The following ANKRD36 variants were observed in gnomAD, a reference collection of about 807,000 sequenced individuals.
The protein encoded by ANKRD36 is ankyrin repeat domain-containing protein 36A.
Under a neutral mutation model 278.1 loss-of-function variants are expected in ANKRD36, and 179 were observed. The observed-to-expected ratio is 0.64, with a 90% CI of 0.57 to 0.73. The LOEUF (loss-of-function observed/expected upper bound fraction) is 0.73. ANKRD36 is among the 30% of genes least tolerant of loss of function. ANKRD36 has a pLI of 0.00. For synonymous variants in ANKRD36, 320 were observed against 641.1 expected (o/e 0.50, Z 7.57); for missense variants, 1,159 against 1,956.7 (o/e 0.59, Z 7.69).
At chr2:97,212,166 G>C (rs539360140) in intron 58 of ANKRD36, among the ~76,000 whole-genome samples, 6 of 152,018 alleles carry the variant, frequency 3.9e-5, no homozygotes, top group South Asian at 2.1e-4. Context: ...ACTAGCAAGA[G>C]CAGTGATGTA....
chr2:97,211,311 G>C (rs73959734), intron 56 of ANKRD36, among the ~76,000 whole-genome samples: 3,525 of 151,828 alleles, frequency 0.023, 123 homozygotes, highest in African/African-American at 0.08. Context: ...TTTAGTTTTC[G>C]ACATATGACA....
At chr2:97,192,654 T>A (rs1465413270) in intron 36 of ANKRD36, among the ~76,000 whole-genome samples, 1 of 151,738 alleles carries the variant, frequency 6.6e-6, no homozygotes. Context: ...TGTTTGAAAT[T>A]GTAGGGGTAT....
rs1171497681 is a variant in ANKRD36 at position 97,122,977 on chromosome 2, A to G, written c.577A>G (p.Ile193Val). 1.9e-6 allele frequency: 3 copies of G among 1,542,174 alleles called. No homozygotes were observed. Among genetic ancestry groups the G allele is most frequent in the Admixed American group, 2.0e-5 (1 of 50,038 alleles). The change falls in exon 4 of 76, where the codon ATT (isoleucine) becomes GTT (valine). Residue 193 changes from isoleucine (I) to valine (V), a missense_variant. Coordinates refer to ENST00000420699, the MANE Select transcript of ANKRD36 (RefSeq NM_001354587.1). ...AAAGAAAAAAGCAAATGTAAATGCC[A>G]TTGATTATCTTGGCAGGTACAGACC... Reference protein sequence around the residue: ...LLKKKANVNAIDYLGRSALIH... With the variant: ...LLKKKANVNAVDYLGRSALIH...
chr2:97,155,505 G>A (rs904798642), intron 15 of ANKRD36, among the ~76,000 whole-genome samples: 1 of 146,282 alleles, frequency 6.8e-6, no homozygotes, highest in Admixed American at 6.8e-5. Flanking sequence ...AGTAGAGAGG[G>A]TTTACAGTGT....
At chr2:97,157,312 A>G (rs2047724945) in intron 15 of ANKRD36, among the ~76,000 whole-genome samples, 2 of 150,950 alleles carry the variant, frequency 1.3e-5, no homozygotes, top group South Asian at 4.2e-4. Flanking sequence ...TATATTATGA[A>G]CACAAGCTTT....
intron 55 of ANKRD36, 28 bp downstream of exon 55, chr2:97,209,737 G>C: frequency 6.3e-7 from 1 of 1,583,478 alleles, no homozygotes; most frequent in Non-Finnish European, 8.6e-7. Context: ...CATATTGTGA[G>C]CTAGTAAACG....
At chr2:97,113,981 T>A (rs1436771418) in intron 1 of ANKRD36, 45 bp downstream of exon 1, 1 of 1,568,420 alleles carries the variant, frequency 6.4e-7, no homozygotes, top group Non-Finnish European at 8.6e-7. Flanking sequence ...GGCCTGTGGA[T>A]GTGGAGAAGT....
chr2:97,185,589 G>T, intron 30 of ANKRD36, 79 bp downstream of exon 30: 4 of 1,510,736 alleles, frequency 2.6e-6, no homozygotes, highest in Non-Finnish European at 2.7e-6. Context: ...AATCAGCGGG[G>T]GGCTCGTCAA....
intron 56 of ANKRD36, 101 bp from the exon 57 acceptor site, chr2:97,211,445 T>G: frequency 6.6e-7 from 1 of 1,526,230 alleles, no homozygotes. Flanking sequence ...CCTACACTAA[T>G]ACAGGCTGGG....
chr2:97,176,449 C>G (rs1289022125), intron 22 of ANKRD36, among the ~76,000 whole-genome samples: 1 of 88,670 alleles, frequency 1.1e-5, no homozygotes, highest in Non-Finnish European at 3.9e-5. Context: ...ATTGCAACCC[C>G]TGCCTTTTTT....
intron 10 of ANKRD36, among the ~76,000 whole-genome samples, chr2:97,146,115 T>A (rs2044166708): frequency 6.6e-6 from 1 of 152,134 alleles, no homozygotes; most frequent in East Asian, 1.9e-4. Flanking sequence ...TTTACAGATG[T>A]GCACCACCAA....
At chr2:97,196,357 C>T (rs1454310596) in intron 40 of ANKRD36, among the ~76,000 whole-genome samples, 5 of 151,908 alleles carry the variant, frequency 3.3e-5, no homozygotes, top group South Asian at 2.1e-4. Context: ...TTTTAGTTTT[C>T]GACACATGAG....
chr2:97,243,825 CTAAGA>C lies in ANKRD36; in HGVS notation c.4308-16_4308-12del. ...TTAGTCCTCACTGATAAGATAAATT[CTAAGA>C]TAAGTATATTTACAGATTTGCCATA... is the stretch of plus-strand genomic sequence containing the variant. On this transcript the variant is annotated splice_polypyrimidine_tract_variant and intron_variant, in intron 69 of 75. Coordinates refer to ENST00000420699, the MANE Select transcript of ANKRD36 (RefSeq NM_001354587.1). The C allele has an allele frequency of 6.6e-7, 1 of 1,526,462 alleles. No individual in the cohort carries two copies. The highest frequency in any genetic ancestry group is 8.8e-7 in the Non-Finnish European group (1 of 1,138,826). The allele number at this position is 1,526,462 out of a possible 1,614,324, so 94.6% of individuals were successfully genotyped here. A position where few individuals can be genotyped will look rare whatever the true frequency, so the allele number is the denominator to read the frequency against.
At chr2:97,149,495 T>G (rs2153462058) in intron 12 of ANKRD36, 134 bp downstream of exon 12, 1 of 718,054 alleles carries the variant, frequency 1.4e-6, no homozygotes, top group South Asian at 3.0e-5. Flanking sequence ...GAGATAACCA[T>G]TTTAAAGAAA....
At position 97,193,755 on chromosome 2, in the gene ANKRD36, T is replaced by C. The variant is rs191205685; in HGVS notation, c.2449+702T>C. On this transcript the variant is annotated intron_variant, in intron 38 of 75. Coordinates refer to ENST00000420699, the MANE Select transcript of ANKRD36 (RefSeq NM_001354587.1). Reference sequence around the variant, plus strand: ...ATACATGTTTTGTTGATTTTAGTTATAAAAATCAGATAATCTTGAATGTGA... The same window carrying C: ...ATACATGTTTTGTTGATTTTAGTTACAAAAATCAGATAATCTTGAATGTGA... Among the ~76,000 whole-genome samples the C allele has an allele frequency of 9.2e-3, 1,394 of 151,794 alleles. 12 individuals are homozygous for C. The highest frequency in any genetic ancestry group is 0.013 in the Non-Finnish European group (882 of 67,856).
chr2:97,185,248 T>A lies in ANKRD36; in HGVS notation c.1940-68T>A, dbSNP rs2057142838. On this transcript the variant is annotated intron_variant, in intron 28 of 75. Transcript: ENST00000420699. ...GGAGCATACAGCTTGATGCTAACAC[T>A]TCATGAATGTATAGATAACTTTATC... The A allele has an allele frequency of 7.7e-6, 12 of 1,557,302 alleles. 1 individual carries two copies. In the Admixed American group the frequency reaches 1.9e-4, roughly 24 times the overall value.
At chr2:97,135,088 T>C (rs1027415008) in intron 6 of ANKRD36, among the ~76,000 whole-genome samples, 2 of 152,068 alleles carry the variant, frequency 1.3e-5, no homozygotes, top group African/African-American at 4.8e-5. Flanking sequence ...TTTGCAGGGA[T>C]CCTTGACCCT....
chr2:97,118,017 T>G (rs2035953661), intron 1 of ANKRD36, 47 bp from the exon 2 acceptor site: 1 of 1,536,620 alleles, frequency 6.5e-7, no homozygotes, highest in South Asian at 1.2e-5. Context: ...GACATGCTAA[T>G]TAATGCTTAC....
intron 62 of ANKRD36, 174 bp from the exon 63 acceptor site, chr2:97,217,003 T>G (rs1466515783): frequency 7.5e-7 from 1 of 1,338,220 alleles, no homozygotes; most frequent in Non-Finnish European, 1.0e-6. Flanking sequence ...AAGGCTGTAT[T>G]ACTTTATTCA....
Sources: allele counts gnomAD v4.1 joint callset (sites outside exome capture counted in the v4.1 genomes callset), GRCh38; gene constraint gnomAD v4.1.1; transcripts MANE v1.5; gene names NCBI Gene and HGNC (gene_info 2026-07-23, HGNC 2026-07-21).